Variants in CNTNAP2 observed in about 807,000 individuals in gnomAD.
CNTNAP2 encodes contactin-associated protein-like 2.
In CNTNAP2, 98 loss-of-function variants were observed where a neutral mutation model predicts 155.2. The ratio of observed to expected loss-of-function variants is 0.63; its 90% CI spans 0.54 to 0.75. The LOEUF (loss-of-function observed/expected upper bound fraction) is 0.75, where lower values mean the gene tolerates loss of function less well. CNTNAP2 is among the 30% of genes least tolerant of loss of function. The pLI is 0.00. For synonymous variants in CNTNAP2, 651 were observed against 631.2 expected, an observed-to-expected ratio of 1.03 and a Z score of -0.47; for missense variants, 1,727 against 1,688.1, an observed-to-expected ratio of 1.02 and a Z score of -0.40.
At chr7:146,273,883 G>T (rs1298380929) in intron 1 of CNTNAP2, among the ~76,000 whole-genome samples, 1 of 152,060 alleles carries the variant, frequency 6.6e-6, no homozygotes, top group Non-Finnish European at 1.5e-5. Flanking sequence ...AGAATAAAAT[G>T]TAAATACTAT....
intron 8 of CNTNAP2, among the ~76,000 whole-genome samples, chr7:147,144,830 C>G (rs1305616509): frequency 6.6e-6 from 1 of 152,122 alleles, no homozygotes; most frequent in African/African-American, 2.4e-5. Flanking sequence ...CCTGTACATG[C>G]GTGCATTCTC....
intron 1 of CNTNAP2, among the ~76,000 whole-genome samples, chr7:146,318,570 C>T (rs1169177438): frequency 6.6e-6 from 1 of 152,156 alleles, no homozygotes; most frequent in African/African-American, 2.4e-5. Flanking sequence ...TTAATGCCTT[C>T]TCTCCCTATT....
intron 9 of CNTNAP2, among the ~76,000 whole-genome samples, chr7:147,326,168 C>T (rs1330831474): frequency 2.6e-5 from 4 of 152,224 alleles, no homozygotes; most frequent in Non-Finnish European, 5.9e-5. Flanking sequence ...TGGTGATCCG[C>T]CCGCCTTGGC....
At chr7:147,600,110 A>C (rs1262721716) in intron 12 of CNTNAP2, among the ~76,000 whole-genome samples, 1 of 152,208 alleles carries the variant, frequency 6.6e-6, no homozygotes, top group Non-Finnish European at 1.5e-5. Context: ...CTCATGCAGG[A>C]AATTGGAACA....
intron 1 of CNTNAP2, among the ~76,000 whole-genome samples, chr7:146,147,786 A>C (rs1797977740): frequency 6.6e-6 from 1 of 152,166 alleles, no homozygotes; most frequent in South Asian, 2.1e-4. Flanking sequence ...AAATATTCTA[A>C]GGTCCATTAG....
chr7:146,821,110 C>G (rs1280078517), intron 2 of CNTNAP2, among the ~76,000 whole-genome samples: 1 of 152,116 alleles, frequency 6.6e-6, no homozygotes, highest in Non-Finnish European at 1.5e-5. Context: ...GGTCTTGACT[C>G]TTTATCCAAT....
chr7:146,312,765 A>T (rs1800846792), intron 1 of CNTNAP2, among the ~76,000 whole-genome samples: 1 of 152,148 alleles, frequency 6.6e-6, no homozygotes, highest in Non-Finnish European at 1.5e-5. Context: ...CTTGTTTCTG[A>T]AATAGACCAC....
rs149812325 is a variant in CNTNAP2, at chr7:146,926,692, T to G, written c.402+86788T>G. ...AATCAAAATATTTAAGTGACTTTTG[T>G]TACAGTAGGAATGATATAAAGTCTA... On this transcript the variant is annotated intron_variant, in intron 3 of 23. Transcript: ENST00000361727. 7.2e-3 allele frequency among the ~76,000 whole-genome samples: 1,092 copies of G among 152,226 alleles called. 9 individuals are homozygous for G. The highest frequency in any genetic ancestry group is 0.011 in the Non-Finnish European group (756 of 67,960).
chr7:148,140,852 T>C (rs1805051143), intron 16 of CNTNAP2, among the ~76,000 whole-genome samples: 1 of 152,220 alleles, frequency 6.6e-6, no homozygotes, highest in Non-Finnish European at 1.5e-5. Flanking sequence ...AGGGCTTAGA[T>C]ATTACCTTCC....
At chr7:147,248,071 G>A (rs541332514) in intron 8 of CNTNAP2, among the ~76,000 whole-genome samples, 1 of 151,834 alleles carries the variant, frequency 6.6e-6, no homozygotes, top group Non-Finnish European at 1.5e-5. Flanking sequence ...CCACAGAGGG[G>A]TAGAAATAGG....
chr7:146,993,068 A>C (rs1022956404), intron 3 of CNTNAP2, among the ~76,000 whole-genome samples: 1 of 152,182 alleles, frequency 6.6e-6, no homozygotes. Flanking sequence ...GGCAGAACGC[A>C]GGAGAGATGG....
intron 14 of CNTNAP2, among the ~76,000 whole-genome samples, chr7:147,941,533 G>C (rs1171780713): frequency 6.6e-6 from 1 of 152,178 alleles, no homozygotes; most frequent in Non-Finnish European, 1.5e-5. Context: ...GAGCTTTGCA[G>C]ACAGAAAATA....
intron 12 of CNTNAP2, among the ~76,000 whole-genome samples, chr7:147,604,322 C>T (rs896432369): frequency 6.6e-6 from 1 of 152,062 alleles, no homozygotes; most frequent in Non-Finnish European, 1.5e-5. Context: ...ACAACCTACT[C>T]ATCTGACAAA....
At chr7:146,189,777 T>A (rs1798675634) in intron 1 of CNTNAP2, among the ~76,000 whole-genome samples, 1 of 152,208 alleles carries the variant, frequency 6.6e-6, no homozygotes, top group Non-Finnish European at 1.5e-5. Context: ...CATTCAGATG[T>A]GATTCTTGAA....
intron 13 of CNTNAP2, among the ~76,000 whole-genome samples, chr7:147,749,968 T>G (rs2116501131): frequency 6.6e-6 from 1 of 152,358 alleles, no homozygotes; most frequent in African/African-American, 2.4e-5. Context: ...GAGATCTTTA[T>G]AGTATCAGAA....
rs73459374 is a variant in CNTNAP2 at position 146,845,676 on chromosome 7, A to G, written c.402+5772A>G. ...TTATTCATGATTGAAAATATCTGAC[A>G]ATATTTTAGATTAAGGAAATGTTAC... On this transcript the variant is annotated intron_variant, in intron 3 of 23. Transcript: ENST00000361727. 2.0e-3 allele frequency among the ~76,000 whole-genome samples: 297 copies of G among 152,234 alleles called. 1 individual carries two copies. Among genetic ancestry groups the G allele is most frequent in the African/African-American group, 7.0e-3 (290 of 41,536 alleles).
At chr7:147,427,562 C>G (rs1442960883) in intron 10 of CNTNAP2, among the ~76,000 whole-genome samples, 3 of 151,994 alleles carry the variant, frequency 2.0e-5, no homozygotes, top group African/African-American at 7.2e-5. Context: ...AATGTTAAGT[C>G]AGAGATTGGG....
At chr7:146,390,736 ATAAAC>A in intron 1 of CNTNAP2, among the ~76,000 whole-genome samples, 1 of 148,638 alleles carries the variant, frequency 6.7e-6, no homozygotes, top group East Asian at 1.9e-4. Context: ...TATTCATGAA[ATAAAC>A]TAATATATAT....
chr7:147,262,379 G>C (rs909452132), intron 8 of CNTNAP2, among the ~76,000 whole-genome samples: 6 of 152,160 alleles, frequency 3.9e-5, no homozygotes, highest in African/African-American at 1.4e-4. Context: ...GAATGTGACT[G>C]TATTTGGAGA....
Sources: gnomAD v4.1 joint callset for allele counts (sites outside exome capture counted in the v4.1 genomes callset) on GRCh38, gnomAD v4.1.1 for gene constraint, MANE v1.5 for transcripts, NCBI Gene and HGNC (gene_info 2026-07-23, HGNC 2026-07-21) for gene names.